Variants in OPCML observed in about 807,000 individuals in gnomAD.
OPCML encodes opioid binding protein/cell adhesion molecule like, also known as opioid-binding protein/cell adhesion molecule.
In OPCML, 13 loss-of-function variants were observed where a neutral mutation model predicts 37.8. The observed-to-expected ratio is 0.34, with a 90% CI of 0.22 to 0.55. The LOEUF (loss-of-function observed/expected upper bound fraction) is 0.55. Ranked by LOEUF, OPCML falls within the 20% of genes least tolerant of loss-of-function variation. The pLI, the probability that OPCML is intolerant of heterozygous loss-of-function variation, is 0.91. For missense variants in OPCML, 341 were observed against 435.6 expected, an observed-to-expected ratio of 0.78 and a Z score of 1.93; for synonymous variants, 176 against 168.8, an observed-to-expected ratio of 1.04 and a Z score of -0.33.
chr11:132,705,485 A>G lies in OPCML; in HGVS notation c.147-48166T>C, dbSNP rs1034396189. Among the ~76,000 whole-genome samples, 21 of 152,012 alleles carry G rather than the reference A, an allele frequency of 1.4e-4. 1 individual carries two copies. Among genetic ancestry groups the G allele is most frequent in the African/African-American group, 4.8e-4 (20 of 41,384 alleles). On this transcript the variant is annotated intron_variant, in intron 2 of 7. Transcript: ENST00000524381. ...TCATGTGCCTGTAGTCCCAGCTACT[A>G]AGGTGGCTGAGGTGGAAGGATCTCT...
intron 1 of OPCML, among the ~76,000 whole-genome samples, chr11:133,312,908 G>A (rs973644283): frequency 3.3e-5 from 5 of 152,020 alleles, no homozygotes; most frequent in African/African-American, 4.8e-5. Context: ...AAGGATAGGC[G>A]GTATATTAAA....
intron 4 of OPCML, among the ~76,000 whole-genome samples, chr11:132,456,019 G>A (rs1317130655): frequency 2.0e-5 from 3 of 152,104 alleles, no homozygotes; most frequent in Non-Finnish European, 4.4e-5. Context: ...TTGGGGTTGG[G>A]GTAGAGGGGA....
At chr11:133,150,147 G>A (rs1225203034) in intron 1 of OPCML, among the ~76,000 whole-genome samples, 2 of 152,196 alleles carry the variant, frequency 1.3e-5, no homozygotes, top group African/African-American at 4.8e-5. Flanking sequence ...CATGTTTTCT[G>A]TGTCTTTATT....
At chr11:133,017,105 T>C in intron 1 of OPCML, among the ~76,000 whole-genome samples, 1 of 152,330 alleles carries the variant, frequency 6.6e-6, no homozygotes, top group East Asian at 1.9e-4. Context: ...AAGGGCTCTC[T>C]TCTTGGCTTA....
At chr11:133,397,749 G>A (rs758643857) in intron 1 of OPCML, among the ~76,000 whole-genome samples, 3 of 152,192 alleles carry the variant, frequency 2.0e-5, no homozygotes, top group Non-Finnish European at 2.9e-5. Context: ...ATAGTGTGGG[G>A]TTGCAATTGA....
chr11:132,486,824 A>G (rs564262411), intron 4 of OPCML, among the ~76,000 whole-genome samples: 3 of 152,298 alleles, frequency 2.0e-5, no homozygotes, highest in South Asian at 2.1e-4. Flanking sequence ...AGCAAAGCTT[A>G]ACCAAGGAGA....
At chr11:133,225,969 CG>C (rs1368275483) in intron 1 of OPCML, among the ~76,000 whole-genome samples, 54 of 152,184 alleles carry the variant, frequency 3.5e-4, no homozygotes, top group African/African-American at 1.3e-3. Flanking sequence ...CTATGAAGCA[CG>C]TATTATTAGG....
At chr11:132,730,459 C>A (rs1226514575) in intron 2 of OPCML, among the ~76,000 whole-genome samples, 1 of 151,972 alleles carries the variant, frequency 6.6e-6, no homozygotes, top group Non-Finnish European at 1.5e-5. Flanking sequence ...TAGCTCTGAT[C>A]CTCCCTTGAT....
At position 132,663,389 on chromosome 11, in the gene OPCML, T is replaced by A. The variant is rs140800507; in HGVS notation, c.147-6070A>T. Among the ~76,000 whole-genome samples, 527 of 152,356 alleles carry A rather than the reference T, an allele frequency of 3.5e-3. 4 individuals are homozygous for A. Among genetic ancestry groups the A allele is most frequent in the African/African-American group, 0.012 (499 of 41,572 alleles). The stretch of plus-strand genomic sequence containing the variant: ...CAGGATAACTGAATCTATATCTTTA[T>A]CTGTATCTACATAGACACACATAGA... On this transcript the variant is annotated intron_variant, in intron 2 of 7. Coordinates refer to ENST00000524381, the MANE Select transcript of OPCML (RefSeq NM_001012393.5).
At chr11:132,921,002 C>A (rs1424640504) in intron 2 of OPCML, among the ~76,000 whole-genome samples, 1 of 152,188 alleles carries the variant, frequency 6.6e-6, no homozygotes, top group Non-Finnish European at 1.5e-5. Flanking sequence ...GTGCTTCCCG[C>A]TGCGTCTGAT....
At chr11:132,794,020 C>G (rs1422523551) in intron 2 of OPCML, among the ~76,000 whole-genome samples, 1 of 152,218 alleles carries the variant, frequency 6.6e-6, no homozygotes, top group South Asian at 2.1e-4. Context: ...TCCACTCATG[C>G]CTCATCTTCT....
intron 3 of OPCML, among the ~76,000 whole-genome samples, chr11:132,541,648 T>A (rs2096356923): frequency 6.6e-6 from 1 of 152,170 alleles, no homozygotes; most frequent in African/African-American, 2.4e-5. Flanking sequence ...TTACTACTAC[T>A]TTACATTTTA....
At chr11:132,525,713 T>C (rs952809439) in intron 4 of OPCML, 2 of 152,136 alleles carry the variant, frequency 1.3e-5, no homozygotes, top group Non-Finnish European at 2.9e-5. Flanking sequence ...TTTTTTATTA[T>C]TATATTTTAA....
At chr11:133,322,437 C>A (rs922373975) in intron 1 of OPCML, among the ~76,000 whole-genome samples, 1 of 152,150 alleles carries the variant, frequency 6.6e-6, no homozygotes, top group Admixed American at 6.5e-5. Flanking sequence ...AATCGTCTGG[C>A]GATCTTTTTC....
intron 1 of OPCML, among the ~76,000 whole-genome samples, chr11:133,522,283 G>A (rs1425111475): frequency 1.3e-5 from 2 of 152,278 alleles, no homozygotes; most frequent in African/African-American, 2.4e-5. Context: ...TTTTGATAGT[G>A]TAGTGATGAT....
intron 4 of OPCML, among the ~76,000 whole-genome samples, chr11:132,511,439 A>C (rs2096268702): frequency 6.6e-6 from 1 of 152,144 alleles, no homozygotes. Context: ...ATTATATGAA[A>C]ATACAAAGGA....
rs1945633489 is a variant in OPCML at position 132,746,304 on chromosome 11, GT to G, written c.147-88986del. Among the ~76,000 whole-genome samples, 3 of 152,128 alleles carry G rather than the reference GT, an allele frequency of 2.0e-5. No homozygotes were observed. In the South Asian group the frequency reaches 6.2e-4, roughly 32 times the overall value. ...ATTTTTGTTTTTATTTTGTTTGTTT[GT>G]TTGTTGTTTGTTTTAACAAAAAGAA... On this transcript the variant is annotated intron_variant, in intron 2 of 7. Transcript: ENST00000524381.
intron 1 of OPCML, among the ~76,000 whole-genome samples, chr11:133,354,223 G>A (rs75934146): frequency 0.064 from 69 of 1,082 alleles, no homozygotes; most frequent in South Asian, 0.18. Context: ...GATGATGCTG[G>A]TGCTGGTGGT....
At chr11:132,801,015 CG>C (rs35482134) in intron 2 of OPCML, among the ~76,000 whole-genome samples, 3 of 152,098 alleles carry the variant, frequency 2.0e-5, no homozygotes, top group Non-Finnish European at 2.9e-5. Context: ...GTAAAGCCAC[CG>C]GGGCATGGGC....
Sources: allele counts gnomAD v4.1 joint callset (sites outside exome capture counted in the v4.1 genomes callset), GRCh38; gene constraint gnomAD v4.1.1; transcripts MANE v1.5; gene names NCBI Gene and HGNC (gene_info 2026-07-23, HGNC 2026-07-21).